Variants in CERKL observed in about 807,000 individuals in gnomAD.
CERKL encodes CERK like autophagy regulator.
Under a neutral mutation model 63.4 loss-of-function variants are expected in CERKL, and 61 were observed. That is an observed-to-expected ratio of 0.96 (90% CI 0.78 to 1.19). The LOEUF is 1.19. Ranked by LOEUF, CERKL falls within the 50% of genes most tolerant of loss-of-function variation. The probability of loss-of-function intolerance (pLI) is 0.00; values close to 1 mark genes in which losing one functional copy is unlikely to be tolerated. For missense variants in CERKL, 675 were observed against 655.5 expected (o/e 1.03, Z -0.33); for synonymous variants, 250 against 230.5 (o/e 1.08, Z -0.77).
Position 181,536,672 on chromosome 2 carries a change from T to C in CERKL, c.*1512A>G, listed in dbSNP as rs1244253190. The C allele has an allele frequency of 5.6e-6, 1 of 178,474 alleles. No homozygotes were observed. Among genetic ancestry groups the C allele is most frequent in the African/African-American group, 2.4e-5 (1 of 41,600 alleles). The allele number at this position is 178,474 out of a possible 1,614,324, so 11.1% of individuals were successfully genotyped here. A position where few individuals can be genotyped will look rare whatever the true frequency, so the allele number is the denominator to read the frequency against. ...GAATATAAATGAGACGACAGCAAAA[T>C]TTTCATGAAATGTAAAATATTTTTA... On this transcript the variant is annotated 3_prime_UTR_variant, in exon 13 of 13. Transcript: ENST00000410087.
intron 1 of CERKL, chr2:181,617,250 C>T (rs1344754840): frequency 6.6e-6 from 1 of 152,194 alleles, no homozygotes; most frequent in Non-Finnish European, 1.5e-5. Flanking sequence ...GGAAAGTATA[C>T]ATACAGCATT....
At chr2:181,595,369 C>A (rs1007145403) in intron 2 of CERKL, among the ~76,000 whole-genome samples, 1 of 141,372 alleles carries the variant, frequency 7.1e-6, no homozygotes, top group Admixed American at 6.9e-5. Context: ...CTACGGGTTG[C>A]CCTGCTTCAA....
chr2:181,613,671 GA>G (rs1435874372), intron 1 of CERKL, among the ~76,000 whole-genome samples: 16 of 152,166 alleles, frequency 1.1e-4, no homozygotes, highest in African/African-American at 3.4e-4. Flanking sequence ...AGTAATTTGT[GA>G]ATTCTTTTAC....
At chr2:181,646,752 A>C (rs1687688143) in intron 1 of CERKL, among the ~76,000 whole-genome samples, 1 of 152,194 alleles carries the variant, frequency 6.6e-6, no homozygotes, top group African/African-American at 2.4e-5. Flanking sequence ...GAAATACAGA[A>C]AATAAGGACT....
At chr2:181,614,462 G>A (rs925007546) in intron 1 of CERKL, among the ~76,000 whole-genome samples, 4 of 151,850 alleles carry the variant, frequency 2.6e-5, no homozygotes, top group African/African-American at 4.8e-5. Flanking sequence ...ACACCTTTAC[G>A]GTATCACCTT....
chr2:181,597,081 G>T (rs1254794072), intron 2 of CERKL, among the ~76,000 whole-genome samples: 1 of 151,908 alleles, frequency 6.6e-6, no homozygotes, highest in Non-Finnish European at 1.5e-5. Context: ...AGTTTGTTAT[G>T]TCTGCAGACT....
chr2:181,584,872 G>A (rs933987650), intron 2 of CERKL, among the ~76,000 whole-genome samples: 2 of 151,066 alleles, frequency 1.3e-5, no homozygotes, highest in African/African-American at 4.9e-5. Context: ...CTCATACAAA[G>A]CTTGTAAGGC....
At chr2:181,593,133 A>G (rs1418819105) in intron 2 of CERKL, among the ~76,000 whole-genome samples, 1 of 152,180 alleles carries the variant, frequency 6.6e-6, no homozygotes, top group Non-Finnish European at 1.5e-5. Flanking sequence ...CTTTACAGAT[A>G]GGAGACCATA....
chr2:181,607,439 G>A (rs181649398), intron 1 of CERKL, among the ~76,000 whole-genome samples: 21 of 152,220 alleles, frequency 1.4e-4, no homozygotes, highest in Non-Finnish European at 1.9e-4. Context: ...CCTTTGTTAC[G>A]AACTATAGAT....
At chr2:181,619,945 T>C (rs1227503534) in intron 1 of CERKL, among the ~76,000 whole-genome samples, 1 of 152,204 alleles carries the variant, frequency 6.6e-6, no homozygotes, top group African/African-American at 2.4e-5. Flanking sequence ...AATAAAACTG[T>C]AGTAGTTCAA....
rs192912083 is a variant in CERKL at position 181,579,443 on chromosome 2, A to C, written c.482-5559T>G. On this transcript the variant is annotated intron_variant, in intron 2 of 12. Coordinates refer to ENST00000410087, the MANE Select transcript of CERKL (RefSeq NM_201548.5). ...GAGTTATTTTTTCCATGAACTTTCT[A>C]TGTATGTCACTTGCCAATTCTTCAT... Among the ~76,000 whole-genome samples, 2 of 152,040 alleles carry C rather than the reference A, an allele frequency of 1.3e-5. 1 individual carries two copies. The highest frequency in any genetic ancestry group is 4.8e-5 in the African/African-American group (2 of 41,384).
rs1007503809 is a variant in CERKL, at chr2:181,537,609, AATTTAAC to A, written c.*568_*574del. ...ATTATATTTGTAACAGAATATAGGAAATTTAACATAATTGATGAGCTCAAATCCTGAA... is the reference window on the plus strand; with the variant it reads ...ATTATATTTGTAACAGAATATAGGAAATAATTGATGAGCTCAAATCCTGAA... On this transcript the variant is annotated 3_prime_UTR_variant, in exon 13 of 13. Transcript: ENST00000410087. The A allele has an allele frequency of 3.3e-5, 14 of 429,578 alleles. No individual in the cohort carries two copies. Among genetic ancestry groups the A allele is most frequent in the African/African-American group, 2.7e-4 (13 of 48,486 alleles). The allele number at this position is 429,578 out of a possible 1,614,324, so 26.6% of individuals were successfully genotyped here.
chr2:181,656,352 G>C (rs1184198294), intron 1 of CERKL, among the ~76,000 whole-genome samples: 1 of 152,214 alleles, frequency 6.6e-6, no homozygotes, highest in Non-Finnish European at 1.5e-5. Context: ...GATGTTTATA[G>C]TTTCAATGTA....
Position 181,536,903 on chromosome 2 carries a change from C to T in CERKL, c.*1281G>A, listed in dbSNP as rs1364712401. The stretch of plus-strand genomic sequence containing the variant: ...TATAGGGAGTGATCAAATTAGAAGG[C>T]AATGTGGAAAAACAATTCTGGGAAA... On this transcript the variant is annotated 3_prime_UTR_variant, in exon 13 of 13. Coordinates refer to ENST00000410087, the MANE Select transcript of CERKL (RefSeq NM_201548.5). The T allele has an allele frequency of 6.6e-6, 3 of 453,268 alleles. No homozygotes were observed. Among genetic ancestry groups the T allele is most frequent in the Non-Finnish European group, 1.3e-5 (3 of 226,464 alleles). The allele number at this position is 453,268 out of a possible 1,614,324, so 28.1% of individuals were successfully genotyped here.
intron 4 of CERKL, among the ~76,000 whole-genome samples, chr2:181,563,953 T>C (rs1688554066): frequency 6.6e-6 from 1 of 152,064 alleles, no homozygotes; most frequent in Admixed American, 6.6e-5. Flanking sequence ...GACTTTTTTG[T>C]GGGAAGATAA....
At position 181,636,909 on chromosome 2, in the gene CERKL, C is replaced by A. The variant is rs150050481; in HGVS notation, c.238+19860G>T. ...ACACAAAATAGATCATGTAGTTATT[C>A]TTTTGTCAATATATCTTCCTGAAGA... On this transcript the variant is annotated intron_variant, in intron 1 of 12. Transcript: ENST00000410087. Among the ~76,000 whole-genome samples, 102 of 152,242 alleles carry A rather than the reference C, an allele frequency of 6.7e-4. 1 individual carries two copies. In the East Asian group the frequency reaches 0.014, roughly 22 times the overall value.
chr2:181,631,519 T>A (rs979554911), intron 1 of CERKL, among the ~76,000 whole-genome samples: 2 of 151,840 alleles, frequency 1.3e-5, no homozygotes, highest in African/African-American at 4.8e-5. Context: ...CCTTCCCCCA[T>A]GCTAATGCTG....
chr2:181,558,837 A>T lies in CERKL; in HGVS notation c.678-129T>A. ...GCATAACTGCTCACATGTACCTTTA[A>T]ACATGTTAATATGTGTCAATGGGTA... is the stretch of plus-strand genomic sequence containing the variant. On this transcript the variant is annotated intron_variant, in intron 4 of 12. Transcript: ENST00000410087. The surrounding 1 kb of genome is among the most constrained non-coding windows in gnomAD (Gnocchi z 4.2). 3 of 879,412 alleles carry T rather than the reference A, an allele frequency of 3.4e-6. No homozygotes were observed. Among genetic ancestry groups the T allele is most frequent in the Non-Finnish European group, 5.5e-6 (3 of 545,788 alleles). The allele number at this position is 879,412 out of a possible 1,614,324, so 54.5% of individuals were successfully genotyped here. A position where few individuals can be genotyped will look rare whatever the true frequency, so the allele number is the denominator to read the frequency against.
chr2:181,553,517 T>C (rs1381258831), intron 5 of CERKL, among the ~76,000 whole-genome samples: 2 of 152,214 alleles, frequency 1.3e-5, no homozygotes, highest in East Asian at 3.8e-4. Flanking sequence ...ATGACACATA[T>C]CATGACTTAA....
Sources: allele counts gnomAD v4.1 joint callset (sites outside exome capture counted in the v4.1 genomes callset), GRCh38; gene constraint gnomAD v4.1.1; non-coding constraint Gnocchi (gnomAD v3.1); transcripts MANE v1.5; gene names NCBI Gene and HGNC (gene_info 2026-07-23, HGNC 2026-07-21).